Variants in TMTC2 observed in about 807,000 individuals in gnomAD.
TMTC2 encodes the protein transmembrane O-mannosyltransferase targeting cadherins 2, also known as protein O-mannosyl-transferase TMTC2.
TMTC2 carries 43 observed loss-of-function variants against 82.4 expected under a neutral mutation model. The ratio of observed to expected loss-of-function variants is 0.52; its 90% confidence interval spans 0.41 to 0.67. The LOEUF is 0.67. TMTC2 is among the 30% of genes least tolerant of loss of function. The pLI is 0.00. For synonymous variants in TMTC2, 408 were observed against 381.9 expected, an observed-to-expected ratio of 1.07 and a Z score of -0.80; for missense variants, 919 against 1,012.4, an observed-to-expected ratio of 0.91 and a Z score of 1.25.
rs573063713 is a variant in TMTC2 at position 83,048,778 on chromosome 12, C to T, written c.2153-2126C>T. Among the ~76,000 whole-genome samples, 4 of 152,312 alleles carry T rather than the reference C, an allele frequency of 2.6e-5. No homozygotes were observed. In the East Asian group the frequency reaches 5.8e-4, roughly 22 times the overall value. The stretch of plus-strand genomic sequence containing the variant: ...CCGCCTCCCGGGTTCAAGCAATTCT[C>T]CTGCCTCGGACACCCTAGTAGCTGG... On this transcript the variant is annotated intron_variant, in intron 9 of 11. Transcript: ENST00000321196.
At chr12:82,866,260 A>AC (rs1323236164) in intron 2 of TMTC2, among the ~76,000 whole-genome samples, 1 of 151,866 alleles carries the variant, frequency 6.6e-6, no homozygotes, top group Non-Finnish European at 1.5e-5. Flanking sequence ...AAAAAAAAAA[A>AC]AAACAAAAAA....
intron 4 of TMTC2, among the ~76,000 whole-genome samples, chr12:82,945,849 A>C (rs190202920): frequency 6.6e-6 from 1 of 152,284 alleles, no homozygotes; most frequent in East Asian, 1.9e-4. Flanking sequence ...GGTTTCCCCT[A>C]TATGATGGAA....
intron 8 of TMTC2, among the ~76,000 whole-genome samples, chr12:82,996,285 C>A (rs1879613119): frequency 6.6e-6 from 1 of 152,132 alleles, no homozygotes; most frequent in African/African-American, 2.4e-5. Flanking sequence ...TTATACTCCA[C>A]ACTGAAAGGG....
intron 1 of TMTC2, among the ~76,000 whole-genome samples, chr12:82,696,480 G>A (rs1481175911): frequency 6.6e-6 from 1 of 152,182 alleles, no homozygotes; most frequent in Non-Finnish European, 1.5e-5. Context: ...AAAGATACCA[G>A]TGTGCAGCTT....
chr12:82,824,625 A>T (rs1007118599), intron 1 of TMTC2, among the ~76,000 whole-genome samples: 2 of 152,260 alleles, frequency 1.3e-5, no homozygotes, highest in Admixed American at 1.3e-4. Flanking sequence ...TGTAACATTT[A>T]GTAAAATTAA....
rs1167676678 is a variant in TMTC2, at chr12:82,813,132, AG to A, written c.84-43877del. 3.3e-5 allele frequency among the ~76,000 whole-genome samples: 5 copies of A among 152,098 alleles called. No individual in the cohort carries two copies. In the East Asian group the frequency reaches 9.6e-4, roughly 29 times the overall value. On this transcript the variant is annotated intron_variant, in intron 1 of 11. Coordinates refer to ENST00000321196, the MANE Select transcript of TMTC2 (RefSeq NM_152588.3). ...TCTTTCTTTTAAAATGTGTGAACTC[AG>A]CTATGTAATACTTATGCCAATATGT...
At chr12:82,960,540 T>G (rs977107673) in intron 4 of TMTC2, among the ~76,000 whole-genome samples, 5 of 151,960 alleles carry the variant, frequency 3.3e-5, no homozygotes, top group Non-Finnish European at 7.4e-5. Context: ...AACCAAATAC[T>G]GCATGTTTTC....
At chr12:82,729,110 G>C (rs182476445) in intron 1 of TMTC2, among the ~76,000 whole-genome samples, 1 of 152,246 alleles carries the variant, frequency 6.6e-6, no homozygotes, top group Non-Finnish European at 1.5e-5. Context: ...GAGTGCTGGC[G>C]CAAGGCCCAG....
At chr12:82,792,578 C>A (rs539894495) in intron 1 of TMTC2, among the ~76,000 whole-genome samples, 3 of 152,142 alleles carry the variant, frequency 2.0e-5, no homozygotes, top group African/African-American at 7.2e-5. Flanking sequence ...GCAATTCTCC[C>A]ATTTCAGCTC....
chr12:83,000,425 C>T (rs926997220), intron 8 of TMTC2, among the ~76,000 whole-genome samples: 21 of 152,112 alleles, frequency 1.4e-4, no homozygotes, highest in African/African-American at 5.1e-4. Context: ...TGAGCCACCG[C>T]ACCTTGCCAG....
chr12:83,052,065 T>C (rs1172243744), intron 10 of TMTC2, among the ~76,000 whole-genome samples: 1 of 152,100 alleles, frequency 6.6e-6, no homozygotes, highest in Non-Finnish European at 1.5e-5. Context: ...CTTAAATGCT[T>C]CATTAAATGA....
At chr12:82,776,836 A>C (rs1042103625) in intron 1 of TMTC2, among the ~76,000 whole-genome samples, 3 of 152,020 alleles carry the variant, frequency 2.0e-5, no homozygotes, top group African/African-American at 7.2e-5. Flanking sequence ...TACATGGGAG[A>C]ATAAACTGGG....
chr12:82,903,713 G>A (rs1874152453), intron 3 of TMTC2, among the ~76,000 whole-genome samples: 1 of 152,074 alleles, frequency 6.6e-6, no homozygotes, highest in South Asian at 2.1e-4. Context: ...GCGCCCCGCC[G>A]ATATTTTTAC....
At chr12:82,787,513 T>C (rs973905008) in intron 1 of TMTC2, among the ~76,000 whole-genome samples, 3 of 152,188 alleles carry the variant, frequency 2.0e-5, no homozygotes, top group African/African-American at 7.2e-5. Flanking sequence ...CTTCTTAAAA[T>C]CTTTATCCAT....
chr12:83,030,044 C>A (rs1881361564), intron 8 of TMTC2, among the ~76,000 whole-genome samples: 1 of 151,978 alleles, frequency 6.6e-6, no homozygotes, highest in Non-Finnish European at 1.5e-5. Flanking sequence ...TTCTTTTTTT[C>A]ATAAATGGCC....
intron 7 of TMTC2, among the ~76,000 whole-genome samples, chr12:82,978,883 T>C (rs1481089606): frequency 2.0e-5 from 3 of 151,780 alleles, no homozygotes; most frequent in African/African-American, 7.2e-5. Flanking sequence ...TGCGTATATA[T>C]TTACAATTGT....
intron 3 of TMTC2, among the ~76,000 whole-genome samples, chr12:82,927,934 C>CA (rs371844379): frequency 2.0e-5 from 3 of 150,512 alleles, no homozygotes; most frequent in Non-Finnish European, 4.4e-5. Context: ...ACTAGAAAAC[C>CA]AAAAAAAAAT....
At chr12:83,016,419 G>A (rs1880684001) in intron 8 of TMTC2, among the ~76,000 whole-genome samples, 2 of 152,134 alleles carry the variant, frequency 1.3e-5, no homozygotes, top group African/African-American at 4.8e-5. Flanking sequence ...ATGCAGAATA[G>A]AAGTCCTGCT....
chr12:83,070,186 A>G (rs1315144075), intron 11 of TMTC2, among the ~76,000 whole-genome samples: 9 of 152,094 alleles, frequency 5.9e-5, no homozygotes, highest in African/African-American at 1.4e-4. Flanking sequence ...TTGGTTCCCT[A>G]TGAATTTTAG....
Sources: allele counts gnomAD v4.1 joint callset (sites outside exome capture counted in the v4.1 genomes callset), GRCh38; gene constraint gnomAD v4.1.1; transcripts MANE v1.5; gene names NCBI Gene and HGNC (gene_info 2026-07-23, HGNC 2026-07-21).